SGCZ: variants seen among roughly 807,000 people sequenced by gnomAD.
SGCZ encodes sarcoglycan zeta.
A neutral mutation model predicts 41.3 loss-of-function variants in SGCZ; 40 were observed. The ratio of observed to expected loss-of-function variants is 0.97; its 90% CI spans 0.75 to 1.26. The LOEUF (loss-of-function observed/expected upper bound fraction) is 1.26. Ranked by LOEUF, SGCZ falls within the 50% of genes most tolerant of loss-of-function variation. SGCZ has a pLI of 0.00. For synonymous variants in SGCZ, 206 were observed against 137.5 expected (o/e 1.50, Z -3.49); for missense variants, 552 against 369.8 (o/e 1.49, Z -4.04).
intron 1 of SGCZ, among the ~76,000 whole-genome samples, chr8:15,045,557 A>G (rs148661171): frequency 1.3e-5 from 2 of 152,234 alleles, no homozygotes; most frequent in Non-Finnish European, 2.9e-5. Flanking sequence ...GACCAGTGAT[A>G]AAGTAGTTCC....
At chr8:14,601,058 AT>A in intron 1 of SGCZ, among the ~76,000 whole-genome samples, 1 of 150,142 alleles carries the variant, frequency 6.7e-6, no homozygotes, top group Non-Finnish European at 1.5e-5. Context: ...TTATATAAGT[AT>A]AAAATTATAT....
chr8:14,913,227 T>C (rs765126247), intron 1 of SGCZ, among the ~76,000 whole-genome samples: 1 of 152,074 alleles, frequency 6.6e-6, no homozygotes, highest in Admixed American at 6.6e-5. Flanking sequence ...CAAAGACATA[T>C]TTGCATGAAC....
intron 1 of SGCZ, among the ~76,000 whole-genome samples, chr8:15,165,859 G>C (rs1491004240): frequency 6.6e-6 from 1 of 152,072 alleles, no homozygotes; most frequent in Non-Finnish European, 1.5e-5. Flanking sequence ...ATTCAAAAAG[G>C]GTGTCATATG....
At chr8:14,455,746 C>T (rs1800724795) in intron 2 of SGCZ, among the ~76,000 whole-genome samples, 1 of 152,116 alleles carries the variant, frequency 6.6e-6, no homozygotes, top group African/African-American at 2.4e-5. Flanking sequence ...GGCACATTTA[C>T]ACAAAAGAGT....
At chr8:14,219,139 T>C (rs1426362059) in intron 4 of SGCZ, among the ~76,000 whole-genome samples, 1 of 152,160 alleles carries the variant, frequency 6.6e-6, no homozygotes. Flanking sequence ...GATTGTGATG[T>C]GCGAAGAAAA....
intron 1 of SGCZ, among the ~76,000 whole-genome samples, chr8:15,160,367 G>A (rs193074523): frequency 2.1e-4 from 32 of 152,070 alleles, no homozygotes; most frequent in Middle Eastern, 3.4e-3. Flanking sequence ...TATCTACTCC[G>A]CTGTGTTTAT....
chr8:14,328,956 T>C lies in SGCZ; in HGVS notation c.235-4752A>G, dbSNP rs530506456. 4.9e-4 allele frequency among the ~76,000 whole-genome samples: 74 copies of C among 152,338 alleles called. 2 individuals are homozygous for C. The South Asian group carries it at 0.015, about 32-fold the overall frequency. ...TTCCCTCTGGAGGACACAGCAACAC[T>C]GTGCCAACTTGGAAGCAAACAGCAG... On this transcript the variant is annotated intron_variant, in intron 2 of 7. Transcript: ENST00000382080.
chr8:14,203,813 G>A (rs2117077065), intron 4 of SGCZ, among the ~76,000 whole-genome samples: 1 of 152,216 alleles, frequency 6.6e-6, no homozygotes, highest in East Asian at 1.9e-4. Context: ...CATACAGTAG[G>A]GGCATGTAAA....
At chr8:14,282,847 C>CTTTTT (rs1168778028) in intron 3 of SGCZ, among the ~76,000 whole-genome samples, 22,638 of 89,540 alleles carry the variant, frequency 0.25, 4,747 homozygotes, top group Non-Finnish European at 0.32. Flanking sequence ...CTTTCAAATA[C>CTTTTT]TTTTTTTTTT....
intron 1 of SGCZ, among the ~76,000 whole-genome samples, chr8:14,845,782 A>C (rs1269285503): frequency 6.6e-6 from 1 of 152,162 alleles, no homozygotes; most frequent in Non-Finnish European, 1.5e-5. Context: ...AAATATCCAG[A>C]TAAAACAAAG....
intron 2 of SGCZ, among the ~76,000 whole-genome samples, chr8:14,518,690 T>C (rs2117094463): frequency 6.6e-6 from 1 of 152,112 alleles, no homozygotes; most frequent in Non-Finnish European, 1.5e-5. Flanking sequence ...AGAACGTTAT[T>C]AAGTACAGTT....
At chr8:15,122,914 T>C (rs888929268) in intron 1 of SGCZ, among the ~76,000 whole-genome samples, 5 of 152,148 alleles carry the variant, frequency 3.3e-5, no homozygotes, top group Non-Finnish European at 7.4e-5. Flanking sequence ...ATAGAAAAGA[T>C]TCTTCTTATT....
At chr8:15,173,289 G>A (rs1287566737) in intron 1 of SGCZ, among the ~76,000 whole-genome samples, 1 of 152,180 alleles carries the variant, frequency 6.6e-6, no homozygotes, top group East Asian at 1.9e-4. Flanking sequence ...TTGTGAAACA[G>A]ATCTCCAGGA....
At chr8:14,226,107 A>G (rs1042969011) in intron 4 of SGCZ, among the ~76,000 whole-genome samples, 20 of 152,102 alleles carry the variant, frequency 1.3e-4, no homozygotes, top group Admixed American at 3.9e-4. Flanking sequence ...ACCCAGGCAT[A>G]CAGGATAAAT....
At chr8:15,126,581 G>A (rs1807696075) in intron 1 of SGCZ, among the ~76,000 whole-genome samples, 2 of 152,124 alleles carry the variant, frequency 1.3e-5, no homozygotes, top group Admixed American at 6.5e-5. Flanking sequence ...TGAAACGGAG[G>A]TAAATACAAG....
intron 2 of SGCZ, among the ~76,000 whole-genome samples, chr8:14,424,995 A>C (rs1799738695): frequency 6.6e-6 from 1 of 152,206 alleles, no homozygotes; most frequent in Non-Finnish European, 1.5e-5. Context: ...ATATCATTGA[A>C]ATTTTCATGA....
intron 1 of SGCZ, among the ~76,000 whole-genome samples, chr8:14,833,815 G>T (rs766588133): frequency 9.6e-6 from 1 of 104,396 alleles, no homozygotes; most frequent in Non-Finnish European, 1.7e-5. Flanking sequence ...AGCTAGGGAT[G>T]ATCCAGGAAA....
At chr8:14,409,230 A>T (rs898119127) in intron 2 of SGCZ, among the ~76,000 whole-genome samples, 12 of 152,138 alleles carry the variant, frequency 7.9e-5, no homozygotes, top group African/African-American at 2.9e-4. Context: ...TAATATGAGC[A>T]TGTATATTAC....
At chr8:14,576,334 G>T (rs1345060128) in intron 1 of SGCZ, among the ~76,000 whole-genome samples, 1 of 152,092 alleles carries the variant, frequency 6.6e-6, no homozygotes, top group African/African-American at 2.4e-5. Flanking sequence ...ATCCTGAAGT[G>T]AGCCCTCTAA....
Sources: gnomAD v4.1 joint callset for allele counts (sites outside exome capture counted in the v4.1 genomes callset) on GRCh38, gnomAD v4.1.1 for gene constraint, MANE v1.5 for transcripts, NCBI Gene and HGNC (gene_info 2026-07-23, HGNC 2026-07-21) for gene names.